The following LINC00632 variants were observed in gnomAD, a reference collection of about 807,000 sequenced individuals.
LINC00632 encodes the protein long independently transcribed non-coding RNA 632.
At chrX:140,725,216 ACATACT>A (rs1240505330) in intron 2 of LINC00632, among the ~76,000 whole-genome samples, 4 of 95,796 alleles carry the variant, frequency 4.2e-5, no homozygotes, top group Admixed American at 3.4e-4. Flanking sequence ...CATTCCGTAC[ACATACT>A]CAGACACACA....
intron 3 of LINC00632, among the ~76,000 whole-genome samples, chrX:140,767,714 G>C (rs1451216005): frequency 8.9e-6 from 1 of 111,888 alleles, no homozygotes; most frequent in African/African-American, 3.3e-5. Context: ...TAGCTAGCTA[G>C]ATAGATAGAT....
At chrX:140,779,171 G>C (rs1292744529) in exon 5 of LINC00632, among the ~76,000 whole-genome samples, 1 of 110,696 alleles carries the variant, frequency 9.0e-6, no homozygotes, top group African/African-American at 3.3e-5. Flanking sequence ...TTGTCAAATG[G>C]CTTGGGTAAA....
chrX:140,725,042 CAG>C (rs1930914957), intron 2 of LINC00632, among the ~76,000 whole-genome samples: 2 of 57,057 alleles, frequency 3.5e-5, no homozygotes, highest in East Asian at 1.3e-3. Flanking sequence ...TACACACACA[CAG>C]AATCATTCCA....
At chrX:140,778,009 T>C (rs962126908) in exon 5 of LINC00632, among the ~76,000 whole-genome samples, 6 of 112,454 alleles carry the variant, frequency 5.3e-5, no homozygotes, top group Non-Finnish European at 1.1e-4. Flanking sequence ...AAGGCAAATA[T>C]AAACACCAAC....
At chrX:140,780,139 AT>A (rs766808034) in exon 5 of LINC00632, among the ~76,000 whole-genome samples, 6 of 112,326 alleles carry the variant, frequency 5.3e-5, no homozygotes, top group Non-Finnish European at 1.1e-4. Context: ...CTATAAGATT[AT>A]ATGAAATGCT....
chrX:140,762,280 A>T (rs967897391), intron 3 of LINC00632, among the ~76,000 whole-genome samples: 1 of 106,655 alleles, frequency 9.4e-6, no homozygotes, highest in Non-Finnish European at 1.9e-5. Context: ...CAGGCGAGCC[A>T]CTTGGTAAAG....
exon 5 of LINC00632, among the ~76,000 whole-genome samples, chrX:140,789,818 T>G (rs1932080586): frequency 9.0e-6 from 1 of 111,605 alleles, no homozygotes; most frequent in African/African-American, 3.2e-5. Context: ...TTATTATTAA[T>G]TTGTAGATCT....
intron 3 of LINC00632, among the ~76,000 whole-genome samples, chrX:140,748,230 A>G (rs1931358058): frequency 8.9e-6 from 1 of 112,276 alleles, no homozygotes; most frequent in African/African-American, 3.2e-5. Context: ...ACTGGGATAG[A>G]AGAATATAAA....
chrX:140,715,382 CAG>C (rs1376363322), intron 2 of LINC00632, among the ~76,000 whole-genome samples: 1 of 111,113 alleles, frequency 9.0e-6, no homozygotes, highest in African/African-American at 3.3e-5. Flanking sequence ...ATCACAAGGT[CAG>C]GGGTTCAGGA....
intron 3 of LINC00632, among the ~76,000 whole-genome samples, chrX:140,768,715 TATTTA>T (rs1349895890): frequency 1.0e-5 from 1 of 98,636 alleles, no homozygotes; most frequent in Non-Finnish European, 2.0e-5. Context: ...AATAAATATA[TATTTA>T]ATTAAATATA....
At chrX:140,790,513 T>G (rs965651645) in exon 5 of LINC00632, among the ~76,000 whole-genome samples, 1 of 111,233 alleles carries the variant, frequency 9.0e-6, no homozygotes, top group Non-Finnish European at 1.9e-5. Flanking sequence ...TATTATTTTT[T>G]TCAGAATTTT....
rs1286418753 is a variant in LINC00632 at position 140,762,242 on chromosome X, A to AGAGAGAGAGCGC, written n.192-9835_192-9834insAGAGAGAGCGCG. ...GAGAGAGAGAGAGAGAGAGAGAGAG[A>AGAGAGAGAGCGC]GCACTCTTATCTTTCCCCACTAGAT... On this transcript the variant is annotated intron_variant and non_coding_transcript_variant, in intron 3 of 4. Transcript: ENST00000648200. 6.0e-5 allele frequency among the ~76,000 whole-genome samples: 6 copies of AGAGAGAGAGCGC among 99,821 alleles called. No homozygotes were observed. In the East Asian group the frequency reaches 1.6e-3, roughly 27 times the overall value. The allele number at this position is 99,821 out of a possible 115,157, so 86.7% of individuals were successfully genotyped here.
At chrX:140,720,808 T>C (rs1169898315) in intron 2 of LINC00632, among the ~76,000 whole-genome samples, 1 of 112,059 alleles carries the variant, frequency 8.9e-6, no homozygotes, top group African/African-American at 3.2e-5. Flanking sequence ...AAATAGGTTT[T>C]TTATTTCATA....
At chrX:140,714,156 G>T (rs1001723828) in intron 2 of LINC00632, 2 of 170,990 alleles carry the variant, frequency 1.2e-5, no homozygotes, top group African/African-American at 6.1e-5. Context: ...AGACTTTCCC[G>T]AGAATAGACT....
At chrX:140,742,836 T>TGAGA (rs1310357994) in intron 3 of LINC00632, among the ~76,000 whole-genome samples, 1 of 43,377 alleles carries the variant, frequency 2.3e-5, no homozygotes, top group African/African-American at 1.2e-4. Flanking sequence ...TGGTAGAAGG[T>TGAGA]GATAGAGAGA....
chrX:140,757,096 C>T (rs930651065), intron 3 of LINC00632, among the ~76,000 whole-genome samples: 12 of 110,818 alleles, frequency 1.1e-4, no homozygotes, highest in Non-Finnish European at 1.3e-4. Context: ...CAGTGGCAGA[C>T]GAGAGAAGAA....
At chrX:140,756,974 A>G (rs1481548708) in intron 3 of LINC00632, among the ~76,000 whole-genome samples, 1 of 111,480 alleles carries the variant, frequency 9.0e-6, no homozygotes, top group Non-Finnish European at 1.9e-5. Flanking sequence ...GTTTGCAGCG[A>G]CTCCCTATCT....
intron 3 of LINC00632, among the ~76,000 whole-genome samples, chrX:140,743,719 G>A (rs1227347385): frequency 1.8e-5 from 2 of 111,309 alleles, no homozygotes; most frequent in Non-Finnish European, 1.9e-5. Flanking sequence ...ATACAAGCAC[G>A]TGACCCTGCG....
At chrX:140,729,045 C>A (rs936906209) in intron 2 of LINC00632, among the ~76,000 whole-genome samples, 12 of 111,347 alleles carry the variant, frequency 1.1e-4, no homozygotes, top group African/African-American at 3.6e-4. Context: ...CAAAACAAGC[C>A]ATCACACAAC....
Sources: gnomAD v4.1 joint callset for allele counts (sites outside exome capture counted in the v4.1 genomes callset) on GRCh38, gnomAD v4.1.1 for gene constraint, MANE v1.5 for transcripts, NCBI Gene and HGNC (gene_info 2026-07-23, HGNC 2026-07-21) for gene names.